PPM1D: variants seen among roughly 807,000 people sequenced by gnomAD.
The protein encoded by PPM1D is protein phosphatase, Mg2+/Mn2+ dependent 1D.
A neutral mutation model predicts 58.3 loss-of-function variants in PPM1D; 52 were observed. The observed-to-expected ratio is 0.89, with a 90% confidence interval of 0.71 to 1.12. The LOEUF (loss-of-function observed/expected upper bound fraction) is 1.12, where lower values mean the gene tolerates loss of function less well. Ranked by LOEUF, PPM1D falls within the 50% of genes most tolerant of loss-of-function variation. The probability of loss-of-function intolerance (pLI) is 0.00; values close to 1 mark genes in which losing one functional copy is unlikely to be tolerated. For missense variants in PPM1D, 564 were observed against 777.2 expected, an observed-to-expected ratio of 0.73 and a Z score of 3.26; for synonymous variants, 278 against 285.1, an observed-to-expected ratio of 0.98 and a Z score of 0.25.
chr17:60,631,676 A>G (rs116630870), intron 2 of PPM1D, among the ~76,000 whole-genome samples: 1,698 of 152,132 alleles, frequency 0.011, 28 homozygotes, highest in African/African-American at 0.036. Context: ...AACACCCACA[A>G]TGTTTTCTGG....
chr17:60,617,937 C>T (rs1366530246), intron 1 of PPM1D, among the ~76,000 whole-genome samples: 1 of 152,192 alleles, frequency 6.6e-6, no homozygotes, highest in Non-Finnish European at 1.5e-5. Flanking sequence ...AAAAAACTAC[C>T]TTCCTGACTT....
intron 1 of PPM1D, among the ~76,000 whole-genome samples, chr17:60,614,905 T>G (rs1199492715): frequency 1.3e-5 from 2 of 152,094 alleles, no homozygotes; most frequent in Non-Finnish European, 2.9e-5. Flanking sequence ...CTTTAAGAAC[T>G]GTAACACTCG....
At chr17:60,604,035 G>T (rs1031369547) in intron 1 of PPM1D, among the ~76,000 whole-genome samples, 4 of 152,140 alleles carry the variant, frequency 2.6e-5, no homozygotes, top group Admixed American at 1.3e-4. Flanking sequence ...TACTTAATAC[G>T]TTAAGATCCA....
At chr17:60,634,081 G>A (rs2030977865) in intron 3 of PPM1D, 104 bp downstream of exon 3, 5 of 1,318,354 alleles carry the variant, frequency 3.8e-6, no homozygotes, top group Non-Finnish European at 5.2e-6. Flanking sequence ...CATATAGTGA[G>A]GGTAGAGATA....
In PPM1D at chr17:60,663,610, T is replaced by G. The variant is rs1328274044; in HGVS notation, c.*58T>G. 6.6e-7 allele frequency: 1 copy of G among 1,525,844 alleles called. No homozygotes were observed. Among genetic ancestry groups the G allele is most frequent in the Non-Finnish European group, 8.8e-7 (1 of 1,138,688 alleles). The allele number at this position is 1,525,844 out of a possible 1,614,324, so 94.5% of individuals were successfully genotyped here. ...TAGGATATAAGAGGGCTTTTTAAAT[T>G]TGGTGCCGATGTTGAACTTTTTTTA... On this transcript the variant is annotated 3_prime_UTR_variant, in exon 6 of 6. Transcript: ENST00000305921.
intron 3 of PPM1D, among the ~76,000 whole-genome samples, chr17:60,641,537 T>C (rs2031134241): frequency 1.3e-5 from 2 of 152,182 alleles, no homozygotes; most frequent in Admixed American, 1.3e-4. Context: ...TTTCTGTAGG[T>C]TGTCTGTTTA....
chr17:60,639,572 G>A (rs922218225), intron 3 of PPM1D, among the ~76,000 whole-genome samples: 5 of 152,084 alleles, frequency 3.3e-5, no homozygotes. Flanking sequence ...CAAGTAGCTA[G>A]GACTACAGGC....
intron 1 of PPM1D, among the ~76,000 whole-genome samples, chr17:60,614,822 C>T (rs551874987): frequency 6.6e-6 from 1 of 152,242 alleles, no homozygotes; most frequent in South Asian, 2.1e-4. Flanking sequence ...GCCAGCGAGA[C>T]CACGAACCCA....
At chr17:60,621,237 A>G (rs1379542249) in intron 1 of PPM1D, among the ~76,000 whole-genome samples, 1 of 152,158 alleles carries the variant, frequency 6.6e-6, no homozygotes, top group Non-Finnish European at 1.5e-5. Flanking sequence ...TTATGCTTTC[A>G]ATGTATTTCT....
At chr17:60,633,618 A>G (rs141063354) in intron 2 of PPM1D, among the ~76,000 whole-genome samples, 8 of 152,052 alleles carry the variant, frequency 5.3e-5, no homozygotes, top group Non-Finnish European at 1.2e-4. Flanking sequence ...TTTTCTTCAC[A>G]TTACATTCAT....
intron 1 of PPM1D, among the ~76,000 whole-genome samples, chr17:60,606,468 CCAAA>C (rs2030331605): frequency 6.6e-6 from 1 of 152,088 alleles, no homozygotes; most frequent in Non-Finnish European, 1.5e-5. Context: ...TAAGGACTTG[CCAAA>C]CTGTTTACAC....
intron 1 of PPM1D, among the ~76,000 whole-genome samples, chr17:60,613,260 A>G (rs1346520540): frequency 6.6e-6 from 1 of 151,928 alleles, no homozygotes; most frequent in Non-Finnish European, 1.5e-5. Flanking sequence ...AAACTGAATT[A>G]TTTGCTTAAA....
chr17:60,608,337 A>G (rs904413560), intron 1 of PPM1D, among the ~76,000 whole-genome samples: 2 of 152,200 alleles, frequency 1.3e-5, no homozygotes, highest in African/African-American at 4.8e-5. Flanking sequence ...ATGATTAAAC[A>G]AACACCCATC....
chr17:60,630,692 T>C (rs772386263), intron 2 of PPM1D, among the ~76,000 whole-genome samples: 2 of 152,224 alleles, frequency 1.3e-5, no homozygotes, highest in Non-Finnish European at 2.9e-5. Flanking sequence ...CCAGTATCAT[T>C]ATTTGTCTTT....
At chr17:60,638,689 A>T (rs933957842) in intron 3 of PPM1D, among the ~76,000 whole-genome samples, 8 of 152,234 alleles carry the variant, frequency 5.3e-5, no homozygotes, top group Non-Finnish European at 1.2e-4. Context: ...TAATATTTTT[A>T]AAAGAGCCAT....
intron 5 of PPM1D, among the ~76,000 whole-genome samples, chr17:60,658,795 C>T (rs932673280): frequency 6.6e-6 from 1 of 151,780 alleles, no homozygotes; most frequent in Non-Finnish European, 1.5e-5. Context: ...AACCCCATCT[C>T]TACTAAAATA....
chr17:60,615,675 CTTTTT>C (rs746657008), intron 1 of PPM1D, among the ~76,000 whole-genome samples: 1 of 124,832 alleles, frequency 8.0e-6, no homozygotes, highest in Admixed American at 8.0e-5. Context: ...TTTCTTTTTA[CTTTTT>C]TTTTTTTTTT....
intron 1 of PPM1D, among the ~76,000 whole-genome samples, chr17:60,606,216 C>T (rs991758521): frequency 6.6e-6 from 1 of 152,158 alleles, no homozygotes; most frequent in Non-Finnish European, 1.5e-5. Flanking sequence ...TCATATTGTA[C>T]CATGAGTCAG....
At chr17:60,617,932 A>T (rs746158214) in intron 1 of PPM1D, among the ~76,000 whole-genome samples, 10 of 152,166 alleles carry the variant, frequency 6.6e-5, no homozygotes, top group Non-Finnish European at 1.0e-4. Flanking sequence ...CCCCTAAAAA[A>T]CTACCTTCCT....
Sources: gnomAD v4.1 joint callset for allele counts (sites outside exome capture counted in the v4.1 genomes callset) on GRCh38, gnomAD v4.1.1 for gene constraint, MANE v1.5 for transcripts, NCBI Gene and HGNC (gene_info 2026-07-23, HGNC 2026-07-21) for gene names.